Variants in USP6 observed in about 807,000 individuals in gnomAD.
USP6 encodes the protein ubiquitin carboxyl-terminal hydrolase 6.
Under a neutral mutation model 175.7 loss-of-function variants are expected in USP6, and 128 were observed. That is an observed-to-expected ratio of 0.73 (90% CI 0.63 to 0.84). The LOEUF is 0.84. Ranked by LOEUF, USP6 falls within the 40% of genes least tolerant of loss-of-function variation. The pLI is 0.00. For missense variants in USP6, 1,498 were observed against 1,760.3 expected (o/e 0.85, Z 2.67); for synonymous variants, 562 against 630.6 (o/e 0.89, Z 1.63).
chr17:5,171,947 G>C (rs897517473), intron 37 of USP6, among the ~76,000 whole-genome samples: 1 of 151,010 alleles, frequency 6.6e-6, no homozygotes, highest in African/African-American at 2.4e-5. Context: ...AGGCTTAGGA[G>C]GTGGATCACT....
chr17:5,165,463 C>T (rs1419100474), intron 33 of USP6, among the ~76,000 whole-genome samples: 1 of 152,106 alleles, frequency 6.6e-6, no homozygotes, highest in Non-Finnish European at 1.5e-5. Context: ...CACCTATAGT[C>T]CCAGCTGCTT....
intron 15 of USP6, chr17:5,134,381 A>G: frequency 3.9e-6 from 1 of 255,090 alleles, no homozygotes; most frequent in Non-Finnish European, 7.6e-6. Context: ...GGTCCTGGAA[A>G]CTGTCATCCA....
chr17:5,123,919 GCA>G (rs150315519), intron 4 of USP6, among the ~76,000 whole-genome samples: 1,616 of 150,018 alleles, frequency 0.011, 27 homozygotes, highest in African/African-American at 0.031. Context: ...ACACACACAC[GCA>G]CACACACACA....
At position 5,142,420 on chromosome 17, in the gene USP6, G is replaced by A; in HGVS notation, c.1736G>A (p.Gly579Glu). 1 of 1,613,824 alleles carries A rather than the reference G, an allele frequency of 6.2e-7. No homozygotes were observed. The highest frequency in any genetic ancestry group is 1.3e-5 in the African/African-American group (1 of 75,014). Residue 579 changes from glycine to glutamate, a missense_variant, in exon 25 of 38, where the codon GGG becomes GAG. Around this residue, in one of 2 missense-constraint regions of USP6, gnomAD observed 1,217 missense variants for 1,500.8 expected, o/e 0.81. Transcript: ENST00000574788. Reference sequence around the variant, plus strand: ...AGGACAAATCCCATTGGTATGAAGGGGCATATGGCTAAATGCTATGGTGAT... The same window carrying A: ...AGGACAAATCCCATTGGTATGAAGGAGCATATGGCTAAATGCTATGGTGAT... ...LNRTNPIGMK[G>E]HMAKCYGDLV...
intron 21 of USP6, among the ~76,000 whole-genome samples, 200 bp downstream of exon 21, chr17:5,138,473 G>C (rs2073334205): frequency 6.6e-6 from 1 of 152,162 alleles, no homozygotes; most frequent in Non-Finnish European, 1.5e-5. Flanking sequence ...TGGATGTGTT[G>C]TGCACGCAGG....
At chr17:5,120,966 A>C (rs1376478355) in intron 3 of USP6, among the ~76,000 whole-genome samples, 178 bp downstream of exon 3, 1 of 152,212 alleles carries the variant, frequency 6.6e-6, no homozygotes, top group Non-Finnish European at 1.5e-5. Context: ...ACTCAAGCTC[A>C]CACAGCCCTT....
In USP6 at chr17:5,124,571, CAG is replaced by C. The variant is rs1291972992; in HGVS notation, c.-1292_-1291del. The C allele has an allele frequency of 6.6e-6, 1 of 152,324 alleles. No homozygotes were observed. Among genetic ancestry groups the C allele is most frequent in the Admixed American group, 6.5e-5 (1 of 15,284 alleles). The allele number at this position is 152,324 out of a possible 1,614,324, so 9.4% of individuals were successfully genotyped here. A position where few individuals can be genotyped will look rare whatever the true frequency, so the allele number is the denominator to read the frequency against. On this transcript the variant is annotated 5_prime_UTR_variant, in exon 5 of 38. An upstream open reading frame in the 5' UTR loses its in-frame stop. Transcript: ENST00000574788. ...CAGAATCACCCTTAATGAAGAGTCA[CAG>C]GGAGAAGACGTCCACCCACACATCA...
At chr17:5,158,964 G>C (rs1000204042) in intron 31 of USP6, among the ~76,000 whole-genome samples, 1 of 152,208 alleles carries the variant, frequency 6.6e-6, no homozygotes, top group Non-Finnish European at 1.5e-5. Flanking sequence ...GATGAAATAA[G>C]AGTGGCCTGG....
intron 21 of USP6, chr17:5,138,886 G>A (rs977979755): frequency 2.3e-6 from 2 of 860,016 alleles, no homozygotes; most frequent in African/African-American, 3.4e-5. Flanking sequence ...CCACTGCGGA[G>A]ACAGGTCCCC....
rs1195763406 is a variant in USP6, at chr17:5,116,047, CGGCGGGACG to C, written c.-2614_-2606del. On this transcript the variant is annotated 5_prime_UTR_variant, in exon 1 of 38. Transcript: ENST00000574788. ...CAGGCAGAGGGGACAGCTAGCGGCG[CGGCGGGACG>C]GGCGGGCCCCGACGCCCAGCTCCAA... Among the ~76,000 whole-genome samples the C allele has an allele frequency of 6.6e-6, 1 of 152,234 alleles. No homozygotes were observed. Among genetic ancestry groups the C allele is most frequent in the African/African-American group, 2.4e-5 (1 of 41,472 alleles).
rs2072546853 is a variant in USP6, at chr17:5,116,694, C to CG, written c.-1973dup. 1 of 152,250 alleles carries CG rather than the reference C, an allele frequency of 6.6e-6. No individual in the cohort carries two copies. Among genetic ancestry groups the CG allele is most frequent in the African/African-American group, 2.4e-5 (1 of 41,460 alleles). 9.4% of individuals were successfully genotyped at this position (152,250 alleles called of 1,614,324 possible). On this transcript the variant is annotated 5_prime_UTR_variant, in exon 1 of 38. Coordinates refer to ENST00000574788, the MANE Select transcript of USP6 (RefSeq NM_001304284.2). ...AAGACTGTACCGCCAAGACCGCTTTCGAGTCGGGCCGACCGGAATTTGAAT... is the reference window on the plus strand; with the variant it reads ...AAGACTGTACCGCCAAGACCGCTTTCGGAGTCGGGCCGACCGGAATTTGAAT...
In USP6 at chr17:5,132,581, A is replaced by C; in HGVS notation, c.195+146A>C. 1 of 1,486,432 alleles carries C rather than the reference A, an allele frequency of 6.7e-7. No homozygotes were observed. The allele number at this position is 1,486,432 out of a possible 1,614,324, so 92.1% of individuals were successfully genotyped here. A position where few individuals can be genotyped will look rare whatever the true frequency, so the allele number is the denominator to read the frequency against. ...GAGGGGCAGCAGAGACCTGACCCCAAGTTGCTGTAACTTTGGCAGTTTGAT... is the reference window on the plus strand; with the variant it reads ...GAGGGGCAGCAGAGACCTGACCCCACGTTGCTGTAACTTTGGCAGTTTGAT... On this transcript the variant is annotated intron_variant, in intron 12 of 37. Transcript: ENST00000574788. The surrounding 1 kb of genome is among the most constrained non-coding windows in gnomAD (Gnocchi z 4.7).
In USP6 at chr17:5,137,248, C is replaced by A. The variant is rs2073284929; in HGVS notation, c.825+62C>A. On this transcript the variant is annotated intron_variant, in intron 19 of 37. Transcript: ENST00000574788. Reference sequence around the variant, plus strand: ...TCCTTGCCCTGCAGTGCCGTGCTTCCCCAGCCCGGGGGTCTGGCTCACTCC... The same window carrying A: ...TCCTTGCCCTGCAGTGCCGTGCTTCACCAGCCCGGGGGTCTGGCTCACTCC... 8 of 1,587,750 alleles carry A rather than the reference C, an allele frequency of 5.0e-6. No homozygotes were observed. In the Admixed American group the frequency reaches 1.3e-4, roughly 27 times the overall value.
In USP6 at chr17:5,145,502, T is replaced by C. The variant is rs1242152833; in HGVS notation, c.2090T>C (p.Ile697Thr). Residue 697 changes from isoleucine (I) to threonine (T), a missense_variant, in exon 27 of 38, where the codon ATA becomes ACA. Around this residue, in one of 2 missense-constraint regions of USP6, gnomAD observed 1,217 missense variants for 1,500.8 expected, o/e 0.81. Transcript: ENST00000574788. ...SQVKCKTCGH[I>T]SVRFDPFNFL... is the part of the protein sequence containing the mutation. Reference sequence around the variant, plus strand: ...GTCAAATGCAAGACATGTGGGCATATAAGTGTCCGATTTGACCCTTTCAAT... The same window carrying C: ...GTCAAATGCAAGACATGTGGGCATACAAGTGTCCGATTTGACCCTTTCAAT... 1 of 1,613,022 alleles carries C rather than the reference T, an allele frequency of 6.2e-7. No individual in the cohort carries two copies. The highest frequency in any genetic ancestry group is 1.7e-5 in the Admixed American group (1 of 59,824).
chr17:5,134,668 C>T (rs377060668), intron 15 of USP6: 90 of 176,284 alleles, frequency 5.1e-4, no homozygotes, highest in African/African-American at 1.7e-3. Context: ...GAAAAGGGAA[C>T]GAGCCAGTGA....
At position 5,132,582 on chromosome 17, in the gene USP6, G is replaced by A; in HGVS notation, c.195+147G>A. On this transcript the variant is annotated intron_variant, in intron 12 of 37. Coordinates refer to ENST00000574788, the MANE Select transcript of USP6 (RefSeq NM_001304284.2). This position sits in a 1 kb window ranked among gnomAD's most constrained non-coding sequence, Gnocchi z 4.7. ...AGGGGCAGCAGAGACCTGACCCCAA[G>A]TTGCTGTAACTTTGGCAGTTTGATA... The A allele has an allele frequency of 6.7e-7, 1 of 1,487,430 alleles. No homozygotes were observed. Among genetic ancestry groups the A allele is most frequent in the Non-Finnish European group, 9.4e-7 (1 of 1,067,714 alleles). 92.1% of individuals were successfully genotyped at this position (1,487,430 alleles called of 1,614,324 possible).
intron 23 of USP6, 106 bp from the exon 24 acceptor site, chr17:5,141,897 G>T (rs762266889): frequency 6.1e-5 from 91 of 1,483,982 alleles, no homozygotes; most frequent in Non-Finnish European, 7.8e-5. Flanking sequence ...GCACCATTTA[G>T]CTGATTATGA....
At chr17:5,150,968 A>G (rs1372916169) in intron 30 of USP6, among the ~76,000 whole-genome samples, 3 of 152,062 alleles carry the variant, frequency 2.0e-5, no homozygotes, top group Non-Finnish European at 2.9e-5. Context: ...GCCTCTTCAC[A>G]TGGCCTTCTC....
intron 27 of USP6, 96 bp from the exon 28 acceptor site, chr17:5,145,927 C>CTATTA (rs1244452707): frequency 7.2e-7 from 1 of 1,393,000 alleles, no homozygotes; most frequent in African/African-American, 1.5e-5. Context: ...GAAATATTTG[C>CTATTA]TATTATATTT....
Sources: allele counts gnomAD v4.1 joint callset (sites outside exome capture counted in the v4.1 genomes callset), GRCh38; gene constraint gnomAD v4.1.1; regional missense constraint gnomAD v4.1.1; non-coding constraint Gnocchi (gnomAD v3.1); transcripts MANE v1.5; gene names NCBI Gene and HGNC (gene_info 2026-07-23, HGNC 2026-07-21).